SAMMSON: variants seen among roughly 807,000 people sequenced by gnomAD.
SAMMSON encodes survival associated mitochondrial melanoma specific oncogenic non-coding RNA.
chr3:70,241,027 C>T (rs892245824), intron 4 of SAMMSON, among the ~76,000 whole-genome samples: 1 of 152,138 alleles, frequency 6.6e-6, no homozygotes, highest in Admixed American at 6.5e-5. Context: ...CCCATTTTTA[C>T]ACCTTGTAAC....
intron 9 of SAMMSON, among the ~76,000 whole-genome samples, chr3:70,383,502 C>T (rs182012372): frequency 1.0e-3 from 152 of 152,150 alleles, no homozygotes; most frequent in Middle Eastern, 3.4e-3. Flanking sequence ...GAGGTTTCCA[C>T]GCCCACTTTC....
intron 4 of SAMMSON, among the ~76,000 whole-genome samples, chr3:70,112,482 G>A (rs556529050): frequency 1.3e-5 from 2 of 152,140 alleles, no homozygotes; most frequent in South Asian, 4.2e-4. Context: ...GCAATTGTGA[G>A]TCAGGAAATT....
rs1298279006 is a variant in SAMMSON, at chr3:70,410,928, A to G, written n.234-51632A>G. Among the ~76,000 whole-genome samples, 5 of 152,130 alleles carry G rather than the reference A, an allele frequency of 3.3e-5. No homozygotes were observed. In the South Asian group the frequency reaches 6.2e-4, roughly 19 times the overall value. On this transcript the variant is annotated intron_variant and non_coding_transcript_variant, in intron 2 of 3. Transcript: ENST00000641053. ...ATCTTTTACTTTATGCTTTCAATCT[A>G]TTTGTGCTGTTACCACCTATTGGGC...
chr3:70,017,231 A>T (rs973253962), intron 3 of SAMMSON, among the ~76,000 whole-genome samples: 1 of 152,048 alleles, frequency 6.6e-6, no homozygotes, highest in Admixed American at 6.6e-5. Context: ...ATGGAATGTT[A>T]TTCCATTTGT....
intron 7 of SAMMSON, among the ~76,000 whole-genome samples, chr3:70,306,035 C>G (rs944305957): frequency 6.6e-6 from 1 of 152,102 alleles, no homozygotes; most frequent in Non-Finnish European, 1.5e-5. Flanking sequence ...GATGATGTAA[C>G]TTTTCTATGT....
At chr3:70,321,937 G>T in intron 7 of SAMMSON, among the ~76,000 whole-genome samples, 1 of 151,990 alleles carries the variant, frequency 6.6e-6, no homozygotes, top group Non-Finnish European at 1.5e-5. Flanking sequence ...CTTTGTTAAA[G>T]ATATTGAGCT....
chr3:70,126,032 G>T, intron 4 of SAMMSON: 2 of 953,848 alleles, frequency 2.1e-6, no homozygotes, highest in Non-Finnish European at 3.3e-6. Flanking sequence ...AAAGCTGTGG[G>T]CAAATTCATT....
chr3:70,431,300 T>C (rs1458513977), intron 2 of SAMMSON, among the ~76,000 whole-genome samples: 1 of 152,054 alleles, frequency 6.6e-6, no homozygotes, highest in Non-Finnish European at 1.5e-5. Context: ...TCTATAGAAG[T>C]TCATCAATTT....
Position 70,066,040 on chromosome 3 carries a change from A to G in SAMMSON, n.418-5436A>G, listed in dbSNP as rs537548290. On this transcript the variant is annotated intron_variant and non_coding_transcript_variant, in intron 3 of 9. Coordinates refer to ENST00000642114, the Ensembl canonical transcript of SAMMSON. ...AATTGATCAATTACACAAATTAAGC[A>G]TAGCCCTTAAGGAATTTATTTTATT... Among the ~76,000 whole-genome samples the G allele has an allele frequency of 5.9e-5, 9 of 152,260 alleles. No individual in the cohort carries two copies. In the East Asian group the frequency reaches 1.2e-3, roughly 20 times the overall value.
At chr3:70,045,061 AAT>A (rs1482113094) in intron 3 of SAMMSON, among the ~76,000 whole-genome samples, 32 of 102,528 alleles carry the variant, frequency 3.1e-4, no homozygotes, top group South Asian at 1.5e-3. Context: ...AATTAATTAT[AAT>A]ATATATTATA....
chr3:70,297,253 C>T (rs776963669), intron 7 of SAMMSON, among the ~76,000 whole-genome samples: 10 of 151,804 alleles, frequency 6.6e-5, no homozygotes, highest in Admixed American at 1.3e-4. Flanking sequence ...TGAGTCCTTA[C>T]AAAAATAAAG....
downstream of SAMMSON, chr3:70,389,988 G>T (rs1243172859): frequency 2.0e-5 from 3 of 152,070 alleles, no homozygotes; most frequent in East Asian, 5.8e-4. Flanking sequence ...GGAAGGTGCT[G>T]ATAAATCACA....
At chr3:70,295,908 T>C in intron 7 of SAMMSON, among the ~76,000 whole-genome samples, 1 of 152,182 alleles carries the variant, frequency 6.6e-6, no homozygotes, top group Non-Finnish European at 1.5e-5. Context: ...CCATACTTGC[T>C]CATTATATTC....
intron 7 of SAMMSON, among the ~76,000 whole-genome samples, chr3:70,302,062 A>C (rs1485775336): frequency 6.6e-6 from 1 of 152,114 alleles, no homozygotes; most frequent in Non-Finnish European, 1.5e-5. Flanking sequence ...CTTATTTAAT[A>C]CTATACTTCT....
At chr3:70,343,925 A>T (rs1702730521) in intron 7 of SAMMSON, among the ~76,000 whole-genome samples, 1 of 149,962 alleles carries the variant, frequency 6.7e-6, no homozygotes. Context: ...TATATAATAT[A>T]ATTTTATATT....
At chr3:70,272,569 G>A (rs1349479057) in intron 6 of SAMMSON, among the ~76,000 whole-genome samples, 3 of 152,138 alleles carry the variant, frequency 2.0e-5, no homozygotes, top group South Asian at 2.1e-4. Context: ...AAACATTCCC[G>A]TACAGGTCTT....
intron 1 of SAMMSON, among the ~76,000 whole-genome samples, chr3:70,005,155 C>T (rs2066921860): frequency 6.6e-6 from 1 of 152,120 alleles, no homozygotes; most frequent in Non-Finnish European, 1.5e-5. Context: ...AAATTCACTC[C>T]TTCAATGAAA....
chr3:70,187,773 G>T (rs1296291289), intron 4 of SAMMSON, among the ~76,000 whole-genome samples: 1 of 152,068 alleles, frequency 6.6e-6, no homozygotes, highest in East Asian at 1.9e-4. Flanking sequence ...CCCATATGTA[G>T]TCCATCAGAC....
At chr3:70,395,692 G>A (rs1298532706) in intron 2 of SAMMSON, among the ~76,000 whole-genome samples, 1 of 152,082 alleles carries the variant, frequency 6.6e-6, no homozygotes, top group African/African-American at 2.4e-5. Context: ...GGAATGTGGA[G>A]TGGCAGGGAC....
Sources: gnomAD v4.1 joint callset for allele counts (sites outside exome capture counted in the v4.1 genomes callset) on GRCh38, gnomAD v4.1.1 for gene constraint, MANE v1.5 for transcripts, NCBI Gene and HGNC (gene_info 2026-07-23, HGNC 2026-07-21) for gene names.